Variants in CEP63 observed in about 807,000 individuals in gnomAD.
The protein encoded by CEP63 is centrosomal protein 63, also known as centrosomal protein of 63 kDa.
Under a neutral mutation model 89.1 loss-of-function variants are expected in CEP63, and 84 were observed. The ratio of observed to expected loss-of-function variants is 0.94; its 90% CI spans 0.79 to 1.13. CEP63 has a LOEUF of 1.13. Among genes scored for constraint, CEP63 ranks in the 50% most tolerant of loss-of-function variants. CEP63 has a pLI of 0.00. For synonymous variants in CEP63, 267 were observed against 272.5 expected (o/e 0.98, Z 0.20); for missense variants, 838 against 813.3 (o/e 1.03, Z -0.37).
At chr3:134,605,903 T>C in the CEP63 span, among the ~76,000 whole-genome samples, 1 of 152,218 alleles carries the variant, frequency 6.6e-6, no homozygotes, top group African/African-American at 2.4e-5. Flanking sequence ...ATGCCATTGC[T>C]TCCCCTTCTG....
At chr3:134,501,761 A>G (rs1324316048) in intron 2 of CEP63, among the ~76,000 whole-genome samples, 1 of 152,210 alleles carries the variant, frequency 6.6e-6, no homozygotes, top group Non-Finnish European at 1.5e-5. Context: ...GTAAAGAATC[A>G]TATCATCAGC....
In CEP63 at chr3:134,542,816, A is replaced by T. The variant is rs113070532; in HGVS notation, c.556-2770A>T. On this transcript the variant is annotated intron_variant, in intron 6 of 14. Coordinates refer to ENST00000675561, the MANE Select transcript of CEP63 (RefSeq NM_001353108.3). ...AAACTGCCTTCTTGATTGCTTCTTTACTTTTAACCACCTCTGCTGTGATTT... is the reference window on the plus strand; with the variant it reads ...AAACTGCCTTCTTGATTGCTTCTTTTCTTTTAACCACCTCTGCTGTGATTT... Among the ~76,000 whole-genome samples, 264 of 151,950 alleles carry T rather than the reference A, an allele frequency of 1.7e-3. 1 individual carries two copies. Among genetic ancestry groups the T allele is most frequent in the African/African-American group, 5.8e-3 (240 of 41,422 alleles).
the CEP63 span, among the ~76,000 whole-genome samples, chr3:134,762,288 T>C: frequency 6.6e-6 from 1 of 152,164 alleles, no homozygotes; most frequent in Non-Finnish European, 1.5e-5. Context: ...GAATATTGTA[T>C]GAAGTGTGAG....
At chr3:134,619,021 T>C in the CEP63 span, 6 of 731,228 alleles carry the variant, frequency 8.2e-6, no homozygotes, top group South Asian at 7.8e-5. Flanking sequence ...CAGGACTCAC[T>C]TGGGTTCCAG....
chr3:134,584,344 A>G (rs953563814), intron 10 of CEP63, among the ~76,000 whole-genome samples: 1 of 152,162 alleles, frequency 6.6e-6, no homozygotes, highest in African/African-American at 2.4e-5. Context: ...ATTTTGAGAT[A>G]TGTTCCATCA....
At chr3:134,694,238 A>G in the CEP63 span, among the ~76,000 whole-genome samples, 1 of 152,262 alleles carries the variant, frequency 6.6e-6, no homozygotes, top group Middle Eastern at 3.4e-3. Context: ...CCCCATGCTC[A>G]ATGCTGCAGC....
At chr3:134,560,937 A>G (rs1957242235) in intron 14 of CEP63, among the ~76,000 whole-genome samples, 2 of 152,222 alleles carry the variant, frequency 1.3e-5, no homozygotes, top group African/African-American at 4.8e-5. Context: ...AGGGTTTCAG[A>G]TAAGGGACTG....
At chr3:134,687,135 C>G in the CEP63 span, among the ~76,000 whole-genome samples, 2 of 152,172 alleles carry the variant, frequency 1.3e-5, no homozygotes, top group Admixed American at 6.5e-5. Context: ...AGAGGTCAAG[C>G]AGCTCACTCC....
In CEP63 at chr3:134,546,244, AAAAGT is replaced by A. The variant is rs781407073; in HGVS notation, c.890_894del (p.Val297GlyfsTer3). 2 of 1,613,916 alleles carry A rather than the reference AAAAGT, an allele frequency of 1.2e-6. No homozygotes were observed. Among genetic ancestry groups the A allele is most frequent in the Non-Finnish European group, 1.7e-6 (2 of 1,179,850 alleles). On this transcript the variant is annotated frameshift_variant, in exon 8 of 15. Transcript: ENST00000675561. LOFTEE classifies it high-confidence loss of function. Reference sequence around the variant, plus strand: ...GAATACAAAAGGAGAAGTTACAAGAAAAAGTAAAGGCAACTAACACTCAACATGCT... The same window carrying A: ...GAATACAAAAGGAGAAGTTACAAGAAAAAGGCAACTAACACTCAACATGCT...
chr3:134,728,371 A>G, the CEP63 span, among the ~76,000 whole-genome samples: 1 of 152,226 alleles, frequency 6.6e-6, no homozygotes, highest in South Asian at 2.1e-4. Flanking sequence ...CACCTATGGA[A>G]ACAAGTAAAG....
chr3:134,719,729 A>G, the CEP63 span, among the ~76,000 whole-genome samples: 1 of 152,212 alleles, frequency 6.6e-6, no homozygotes, highest in Non-Finnish European at 1.5e-5. Context: ...ATCATAAGGT[A>G]TGTGATCTTT....
chr3:134,538,532 T>TATAC (rs60876471), intron 6 of CEP63, among the ~76,000 whole-genome samples: 12 of 5,800 alleles, frequency 2.1e-3, no homozygotes, highest in African/African-American at 5.8e-3. Flanking sequence ...TGTGTGTGTG[T>TATAC]GTATATATAT....
chr3:134,760,632 C>A, the CEP63 span, among the ~76,000 whole-genome samples: 2 of 152,116 alleles, frequency 1.3e-5, no homozygotes, highest in African/African-American at 2.4e-5. Context: ...CTATCCCTTG[C>A]GTACTCAGTC....
the CEP63 span, chr3:134,603,840 C>T: frequency 1.9e-6 from 3 of 1,613,998 alleles, no homozygotes; most frequent in Non-Finnish European, 2.5e-6. Flanking sequence ...TGTCCTGTCC[C>T]CAGTTGCCAA....
Position 134,561,709 on chromosome 3 carries a change from T to C in CEP63, c.*174T>C. On this transcript the variant is annotated 3_prime_UTR_variant, in exon 15 of 15. Coordinates refer to ENST00000675561, the MANE Select transcript of CEP63 (RefSeq NM_001353108.3). ...CTTTTGATAGGCATTTTCTCTGCAC[T>C]GGTTTGTTTAAAGGACTTCTTCCAG... 7.0e-7 allele frequency: 1 copy of C among 1,432,476 alleles called. No homozygotes were observed. The highest frequency in any genetic ancestry group is 9.1e-7 in the Non-Finnish European group (1 of 1,099,482). 88.7% of individuals were successfully genotyped at this position (1,432,476 alleles called of 1,614,324 possible). A position where few individuals can be genotyped will look rare whatever the true frequency, so the allele number is the denominator to read the frequency against.
chr3:134,736,121 T>C, the CEP63 span, among the ~76,000 whole-genome samples: 1 of 152,154 alleles, frequency 6.6e-6, no homozygotes, highest in Non-Finnish European at 1.5e-5. Context: ...AAATTATTTA[T>C]GAAATTCACT....
rs1218643107 is a variant in CEP63 at position 134,564,583 on chromosome 3, A to G, written c.*3048A>G. On this transcript the variant is annotated 3_prime_UTR_variant, in exon 15 of 15. Transcript: ENST00000675561. ...CTAAGCAAATATTGGGTGGATGAAA[A>G]TCACTACCATTCAAGGCTTCATTGT... is the stretch of plus-strand genomic sequence containing the variant. The G allele has an allele frequency of 1.0e-6, 1 of 985,338 alleles. No individual in the cohort carries two copies. The highest frequency in any genetic ancestry group is 1.7e-5 in the African/African-American group (1 of 57,248). The allele number at this position is 985,338 out of a possible 1,614,324, so 61.0% of individuals were successfully genotyped here.
the CEP63 span, among the ~76,000 whole-genome samples, chr3:134,695,501 A>G: frequency 6.6e-6 from 1 of 152,176 alleles, no homozygotes; most frequent in African/African-American, 2.4e-5. Context: ...ACAGGAGGAC[A>G]CTGTGGCCCA....
At chr3:134,588,926 A>G (rs1051432457), downstream of CEP63, among the ~76,000 whole-genome samples, 4 of 152,362 alleles carry the variant, frequency 2.6e-5, no homozygotes, top group Middle Eastern at 3.4e-3. Flanking sequence ...AAAGGCATCA[A>G]TAACTCCTTG....
Sources: allele counts gnomAD v4.1 joint callset (sites outside exome capture counted in the v4.1 genomes callset), GRCh38; gene constraint gnomAD v4.1.1; transcripts MANE v1.5; gene names NCBI Gene and HGNC (gene_info 2026-07-23, HGNC 2026-07-21).